ZC3H12A: variants seen among roughly 807,000 people sequenced by gnomAD.
ZC3H12A encodes endoribonuclease ZC3H12A.
Under a neutral mutation model 29.9 loss-of-function variants are expected in ZC3H12A, and 9 were observed. The observed-to-expected ratio is 0.30, with a 90% CI of 0.18 to 0.53. The LOEUF (loss-of-function observed/expected upper bound fraction) is 0.53, where lower values mean the gene tolerates loss of function less well. Ranked by LOEUF, ZC3H12A falls within the 20% of genes least tolerant of loss-of-function variation. The pLI, the probability that ZC3H12A is intolerant of heterozygous loss-of-function variation, is 0.96. For synonymous variants in ZC3H12A, 323 were observed against 338.1 expected (o/e 0.96, Z 0.49); for missense variants, 617 against 799.0 (o/e 0.77, Z 2.75).
intron 3 of ZC3H12A, among the ~76,000 whole-genome samples, chr1:37,480,707 A>G (rs1641683790): frequency 1.3e-5 from 2 of 152,280 alleles, no homozygotes; most frequent in East Asian, 1.9e-4. Context: ...GCAGTATCAC[A>G]TAGTGGTTAA....
At position 37,483,504 on chromosome 1, in the gene ZC3H12A, C is replaced by T. The variant is rs756355987; in HGVS notation, c.1693C>T (p.Pro565Ser). The T allele has an allele frequency of 1.9e-6, 3 of 1,613,916 alleles. No individual in the cohort carries two copies. Among genetic ancestry groups the T allele is most frequent in the Admixed American group, 3.3e-5 (2 of 60,030 alleles). The change falls in exon 6 of 6, where the codon CCC (proline) becomes TCC (serine). Residue 565 changes from proline (P) to serine (S), a missense_variant. By Grantham distance (74) the Pro-to-Ser change is moderately conservative (BLOSUM62 -1). This residue lies in a region of ZC3H12A where 172 missense variants were observed against 203.1 expected (regional missense o/e 0.85). Transcript: ENST00000373087. ...GTATACTAAGCTGTGTGGTGTGTTT[C>T]CCCCGCACCTGGTGGAGGCTGTGAT... is the stretch of plus-strand genomic sequence containing the variant. Reference protein sequence around the residue: ...SVYTKLCGVFPPHLVEAVMGR... With the variant: ...SVYTKLCGVFSPHLVEAVMGR...
chr1:37,481,615 C>G lies in ZC3H12A; in HGVS notation c.598C>G (p.Arg200Gly), dbSNP rs141438153. 6.2e-7 allele frequency: 1 copy of G among 1,614,028 alleles called. No individual in the cohort carries two copies. Among genetic ancestry groups the G allele is most frequent in the Non-Finnish European group, 8.5e-7 (1 of 1,180,032 alleles). The change falls in exon 4 of 6, where the codon CGG (arginine) becomes GGG (glycine). Residue 200 changes from arginine to glycine, a missense_variant. Arg to Gly is a moderately radical substitution (Grantham distance 125, BLOSUM62 -2). Transcript: ENST00000373087. ...DVPITDQHILRELEKKKILVF... is the reference protein window; with the variant it reads ...DVPITDQHILGELEKKKILVF... The stretch of plus-strand genomic sequence containing the variant: ...TCACCTCCCAGACCAGCACATCCTG[C>G]GGGAACTGGAGAAGAAGAAGATCCT...
At position 37,481,522 on chromosome 1, in the gene ZC3H12A, A is replaced by G. The variant is rs1051732447; in HGVS notation, c.584-79A>G. The G allele has an allele frequency of 2.8e-6, 4 of 1,423,698 alleles. No homozygotes were observed. The African/African-American group carries it at 4.3e-5, about 15-fold the overall frequency. The allele number at this position is 1,423,698 out of a possible 1,614,324, so 88.2% of individuals were successfully genotyped here. A position where few individuals can be genotyped will look rare whatever the true frequency, so the allele number is the denominator to read the frequency against. ...GCGTTAACCACTCCTGTGTGTGGCC[A>G]TCAGCAGGTTAGGGAGCCCTGTAGG... On this transcript the variant is annotated intron_variant, in intron 3 of 5. Coordinates refer to ENST00000373087, the MANE Select transcript of ZC3H12A (RefSeq NM_025079.3).
At chr1:37,477,267 C>G (rs1262915093) in intron 2 of ZC3H12A, among the ~76,000 whole-genome samples, 1 of 152,202 alleles carries the variant, frequency 6.6e-6, no homozygotes, top group African/African-American at 2.4e-5. Context: ...CCAGGAGCGG[C>G]TGAGCCCTGG....
In ZC3H12A at chr1:37,478,607, G is replaced by A. The variant is rs1419766130; in HGVS notation, c.444-1683G>A. Among the ~76,000 whole-genome samples, 4 of 152,170 alleles carry A rather than the reference G, an allele frequency of 2.6e-5. No individual in the cohort carries two copies. Among genetic ancestry groups the A allele is most frequent in the Non-Finnish European group, 5.9e-5 (4 of 68,026 alleles). ...AGGGTCTGTGCCTGCCTTCGTACCT[G>A]CCTGAGCATTGACGTACAGGGTAGT... On this transcript the variant is annotated intron_variant, in intron 2 of 5. Coordinates refer to ENST00000373087, the MANE Select transcript of ZC3H12A (RefSeq NM_025079.3). The surrounding 1 kb of genome is among the most constrained non-coding windows in gnomAD (Gnocchi z 5.2).
In ZC3H12A at chr1:37,480,305, G is replaced by T. The variant is rs141185748; in HGVS notation, c.459G>T (p.Glu153Asp). The change falls in exon 3 of 6, where the codon GAG (glutamate) becomes GAT (aspartate). Residue 153 changes from glutamate (E) to aspartate (D), a missense_variant. Transcript: ENST00000373087. ...TCCCTCCCAGCCATGGGAACAAGGA[G>T]GTCTTCTCCTGCCGGGGCATCCTGC... ...SNVAMSHGNKEVFSCRGILLA... is the reference protein window; with the variant it reads ...SNVAMSHGNKDVFSCRGILLA... 2.5e-6 allele frequency: 4 copies of T among 1,613,732 alleles called. No homozygotes were observed. In the Admixed American group the frequency reaches 5.0e-5, roughly 20 times the overall value.
Position 37,483,194 on chromosome 1 carries a change from G to A in ZC3H12A, c.1383G>A (p.Pro461=), listed in dbSNP as rs371360633. Residue 461 remains proline (P), a synonymous_variant, in exon 6 of 6, where the codon CCG becomes CCA. Coordinates refer to ENST00000373087, the MANE Select transcript of ZC3H12A (RefSeq NM_025079.3). ...WGVRGGGPGE[P]GPPRAPYTGY... ...TTCGAGGAGGAGGCCCTGGTGAGCCGGGCCCACCCCGAGCCCCTTACACGG... is the reference window on the plus strand; with the variant it reads ...TTCGAGGAGGAGGCCCTGGTGAGCCAGGCCCACCCCGAGCCCCTTACACGG... 28 of 1,613,356 alleles carry A rather than the reference G, an allele frequency of 1.7e-5. No homozygotes were observed. In the Admixed American group the frequency reaches 2.3e-4, roughly 13 times the overall value.
chr1:37,482,616 T>C (rs769076977), intron 5 of ZC3H12A, 76 bp downstream of exon 5: 2 of 1,608,692 alleles, frequency 1.2e-6, no homozygotes, highest in African/African-American at 2.7e-5. Context: ...GTGCCCTGTT[T>C]TCCTCTTGGG....
chr1:37,482,379 A>G (rs1433885818), intron 4 of ZC3H12A, 55 bp from the exon 5 acceptor site: 6 of 1,475,884 alleles, frequency 4.1e-6, no homozygotes, highest in South Asian at 2.4e-5. Context: ...CTTCTCAGCA[A>G]TTAGAAGTCC....
intron 5 of ZC3H12A, 54 bp downstream of exon 5, chr1:37,482,594 ACCTGTCTGCCTGTGC>A: frequency 6.2e-7 from 1 of 1,608,684 alleles, no homozygotes; most frequent in South Asian, 1.1e-5. Flanking sequence ...CCTTCCTCTC[ACCTGTCTGCCTGTGC>A]CCTGTTTTCC....
Position 37,484,002 on chromosome 1 carries a change from T to G in ZC3H12A, c.*391T>G. The G allele has an allele frequency of 5.4e-6, 1 of 184,832 alleles. No homozygotes were observed. Among genetic ancestry groups the G allele is most frequent in the Non-Finnish European group, 1.1e-5 (1 of 87,978 alleles). The allele number at this position is 184,832 out of a possible 1,614,324, so 11.4% of individuals were successfully genotyped here. A position where few individuals can be genotyped will look rare whatever the true frequency, so the allele number is the denominator to read the frequency against. On this transcript the variant is annotated 3_prime_UTR_variant, in exon 6 of 6. Coordinates refer to ENST00000373087, the MANE Select transcript of ZC3H12A (RefSeq NM_025079.3). ...TGTGCACGCCACCCCACTTCCGCCC[T>G]ACCCCTGGGACGTTGGCCTTGGCTG...
rs1016105951 is a variant in ZC3H12A, at chr1:37,476,376, A to T, written c.443+437A>T. ...CATAGTAGTGGTAGTAGGCAGTGGTAGTAGCAGTTGTTGTTGTTATTTCAG... is the reference window on the plus strand; with the variant it reads ...CATAGTAGTGGTAGTAGGCAGTGGTTGTAGCAGTTGTTGTTGTTATTTCAG... On this transcript the variant is annotated intron_variant, in intron 2 of 5. Transcript: ENST00000373087. This position sits in a 1 kb window ranked among gnomAD's most constrained non-coding sequence, Gnocchi z 6.0. 1.3e-5 allele frequency among the ~76,000 whole-genome samples: 2 copies of T among 152,190 alleles called. No individual in the cohort carries two copies. Among genetic ancestry groups the T allele is most frequent in the Admixed American group, 6.5e-5 (1 of 15,292 alleles).
In ZC3H12A at chr1:37,475,961, AG is replaced by A. The variant is rs753197438; in HGVS notation, c.443+24del. 2 of 1,489,984 alleles carry A rather than the reference AG, an allele frequency of 1.3e-6. No homozygotes were observed. The highest frequency in any genetic ancestry group is 1.8e-6 in the Non-Finnish European group (2 of 1,126,514). 92.3% of individuals were successfully genotyped at this position (1,489,984 alleles called of 1,614,324 possible). A position where few individuals can be genotyped will look rare whatever the true frequency, so the allele number is the denominator to read the frequency against. The stretch of plus-strand genomic sequence containing the variant: ...TGAGGTAAGTGTCACTTCTGTGGCC[AG>A]GACACATGAGGTTCGCATCTCTCCT... On this transcript the variant is annotated intron_variant, in intron 2 of 5. Transcript: ENST00000373087. This position sits in a 1 kb window ranked among gnomAD's most constrained non-coding sequence, Gnocchi z 5.2.
In ZC3H12A at chr1:37,478,922, C is replaced by T; in HGVS notation, c.444-1368C>T. ...CTGCCCTGGGCTGGACTTTGTCTCC[C>T]CTACAATTTAGAGACCTTCAGACCC... On this transcript the variant is annotated intron_variant, in intron 2 of 5. Transcript: ENST00000373087. The surrounding 1 kb of genome is among the most constrained non-coding windows in gnomAD (Gnocchi z 5.2). 1.0e-6 allele frequency: 1 copy of T among 985,288 alleles called. No homozygotes were observed. Among genetic ancestry groups the T allele is most frequent in the Non-Finnish European group, 1.2e-6 (1 of 829,876 alleles). 61.0% of individuals were successfully genotyped at this position (985,288 alleles called of 1,614,324 possible).
chr1:37,482,849 C>T lies in ZC3H12A; in HGVS notation c.1038C>T (p.Pro346=), dbSNP rs756616476. The change falls in exon 6 of 6, where the codon CCC becomes CCT. Residue 346 remains proline (P), a synonymous_variant. Coordinates refer to ENST00000373087, the MANE Select transcript of ZC3H12A (RefSeq NM_025079.3). ...GTGCCAATGCTCTCCTCTCACCCCC[C>T]AGAGCCCCAAGCAAGGACAAAAATG... ...ELRANALLSP[P]RAPSKDKNGR... is the part of the protein sequence containing the mutation. 2 of 1,613,910 alleles carry T rather than the reference C, an allele frequency of 1.2e-6. No individual in the cohort carries two copies. Among genetic ancestry groups the T allele is most frequent in the Non-Finnish European group, 1.7e-6 (2 of 1,180,046 alleles).
chr1:37,483,182 C>G lies in ZC3H12A; in HGVS notation c.1371C>G (p.Gly457=). Residue 457 remains glycine (G), a synonymous_variant, in exon 6 of 6, where the codon GGC becomes GGG. Transcript: ENST00000373087. ...AACTTTGGGGGGTTCGAGGAGGAGG[C>G]CCTGGTGAGCCGGGCCCACCCCGAG... ...MSELWGVRGG[G]PGEPGPPRAP... is the part of the protein sequence containing the mutation. 6.2e-7 allele frequency: 1 copy of G among 1,613,426 alleles called. No homozygotes were observed. The highest frequency in any genetic ancestry group is 8.5e-7 in the Non-Finnish European group (1 of 1,179,898).
At position 37,483,085 on chromosome 1, in the gene ZC3H12A, T is replaced by TGGACTCACTCCC; in HGVS notation, c.1276_1287dup (p.Asp426_Pro429dup). The TGGACTCACTCCC allele has an allele frequency of 6.2e-7, 1 of 1,611,898 alleles. No homozygotes were observed. Among genetic ancestry groups the TGGACTCACTCCC allele is most frequent in the Middle Eastern group, 1.7e-4 (1 of 6,058 alleles). ...CCCACAGACTGGCTCCCACAGACGC[T>TGGACTCACTCCC]GGACTCACTCCCGTACGTCTCCCAG... is the stretch of plus-strand genomic sequence containing the variant. On this transcript the variant is annotated inframe_insertion, in exon 6 of 6. Coordinates refer to ENST00000373087, the MANE Select transcript of ZC3H12A (RefSeq NM_025079.3).
At position 37,480,281 on chromosome 1, in the gene ZC3H12A, C is replaced by A. The variant is rs1461068385; in HGVS notation, c.444-9C>A. 1 of 1,610,658 alleles carries A rather than the reference C, an allele frequency of 6.2e-7. No homozygotes were observed. The highest frequency in any genetic ancestry group is 1.7e-5 in the Admixed American group (1 of 59,810). ...TCAGTGTGGGCTAACCCTGTCCTCT[C>A]CCTCCCAGCCATGGGAACAAGGAGG... On this transcript the variant is annotated splice_polypyrimidine_tract_variant and intron_variant, in intron 2 of 5. Transcript: ENST00000373087.
chr1:37,476,070 A>T lies in ZC3H12A; in HGVS notation c.443+131A>T, dbSNP rs1641583564. 1 of 1,017,348 alleles carries T rather than the reference A, an allele frequency of 9.8e-7. No individual in the cohort carries two copies. The highest frequency in any genetic ancestry group is 1.6e-5 in the African/African-American group (1 of 61,786). 63.0% of individuals were successfully genotyped at this position (1,017,348 alleles called of 1,614,324 possible). On this transcript the variant is annotated intron_variant, in intron 2 of 5. Transcript: ENST00000373087. This position sits in a 1 kb window ranked among gnomAD's most constrained non-coding sequence, Gnocchi z 6.0. ...TGACTTCCTTCTTAGGGACTGGTCT[A>T]GAGGGAGGGAAAGCCTTTTATGAGG...
Sources: allele counts gnomAD v4.1 joint callset (sites outside exome capture counted in the v4.1 genomes callset), GRCh38; gene constraint gnomAD v4.1.1; regional missense constraint gnomAD v4.1.1; non-coding constraint Gnocchi (gnomAD v3.1); transcripts MANE v1.5; gene names NCBI Gene and HGNC (gene_info 2026-07-23, HGNC 2026-07-21).